Variants in PVT1 observed in about 807,000 individuals in gnomAD.
The protein encoded by PVT1 is CXCR4/PVT1 fusion.
intron 2 of PVT1, among the ~76,000 whole-genome samples, chr8:127,846,295 G>A (rs1323789567): frequency 1.3e-5 from 2 of 152,210 alleles, no homozygotes; most frequent in Non-Finnish European, 2.9e-5. Flanking sequence ...CCTGGTGGGT[G>A]TCCATGGTGT....
rs545919862 is a variant in PVT1, at chr8:127,858,141, G to C, written n.373-32448G>C. Reference sequence around the variant, plus strand: ...TGTGGTGGCTCATGCCTATAATCACGGCACTTTGGGAGGCCAAGGCGGCTG... The same window carrying C: ...TGTGGTGGCTCATGCCTATAATCACCGCACTTTGGGAGGCCAAGGCGGCTG... On this transcript the variant is annotated intron_variant and non_coding_transcript_variant, in intron 2 of 10. Transcript: ENST00000651587. Among the ~76,000 whole-genome samples the C allele has an allele frequency of 4.6e-5, 7 of 152,198 alleles. No individual in the cohort carries two copies. In the South Asian group the frequency reaches 1.5e-3, roughly 32 times the overall value.
intron 5 of PVT1, among the ~76,000 whole-genome samples, chr8:128,090,680 C>T (rs1814339989): frequency 6.6e-6 from 1 of 152,096 alleles, no homozygotes; most frequent in Non-Finnish European, 1.5e-5. Flanking sequence ...GAAGGAACTA[C>T]TGGCAGACAC....
intron 3 of PVT1, among the ~76,000 whole-genome samples, chr8:127,983,056 G>C (rs1816902745): frequency 6.6e-6 from 1 of 152,164 alleles, no homozygotes; most frequent in Non-Finnish European, 1.5e-5. Context: ...ACAGTGCGTG[G>C]GGCCTCGGCT....
chr8:127,880,151 T>C (rs1381821352), intron 2 of PVT1, among the ~76,000 whole-genome samples: 2 of 152,226 alleles, frequency 1.3e-5, no homozygotes, highest in African/African-American at 4.8e-5. Context: ...TCTGGAAATC[T>C]TAGTACAGCC....
chr8:127,814,601 C>G (rs1023717394), intron 2 of PVT1, among the ~76,000 whole-genome samples: 1 of 152,236 alleles, frequency 6.6e-6, no homozygotes, highest in African/African-American at 2.4e-5. Flanking sequence ...CCTCATTTTA[C>G]AGATGTTGGG....
chr8:127,945,290 T>G (rs1472692201), intron 3 of PVT1, among the ~76,000 whole-genome samples: 3 of 152,104 alleles, frequency 2.0e-5, no homozygotes, highest in African/African-American at 7.2e-5. Flanking sequence ...TCATCCAGGA[T>G]TTATACCCTG....
intron 3 of PVT1, among the ~76,000 whole-genome samples, chr8:127,914,051 A>G (rs915022753): frequency 6.6e-6 from 1 of 152,106 alleles, no homozygotes; most frequent in Non-Finnish European, 1.5e-5. Context: ...TCAAAACATT[A>G]GTGGACTCAA....
intron 3 of PVT1, chr8:127,932,615 G>C (rs1816221620): frequency 5.0e-6 from 2 of 398,400 alleles, no homozygotes; most frequent in African/African-American, 4.1e-5. Flanking sequence ...GCTGTTCGTA[G>C]ACATGGTACC....
At chr8:127,933,466 C>T (rs1736761709) in intron 3 of PVT1, among the ~76,000 whole-genome samples, 1 of 152,194 alleles carries the variant, frequency 6.6e-6, no homozygotes, top group Non-Finnish European at 1.5e-5. Context: ...TCTCTGCTTT[C>T]CCATGGAGAG....
At chr8:127,871,557 T>A (rs1014246154) in intron 2 of PVT1, among the ~76,000 whole-genome samples, 1 of 151,998 alleles carries the variant, frequency 6.6e-6, no homozygotes. Flanking sequence ...CAGAATCGGG[T>A]AAAGTATGTG....
intron 2 of PVT1, among the ~76,000 whole-genome samples, chr8:127,797,171 T>A (rs1814406889): frequency 6.6e-6 from 1 of 151,834 alleles, no homozygotes. Context: ...TTGCTGGGAT[T>A]ACAGGCATGG....
intron 2 of PVT1, among the ~76,000 whole-genome samples, chr8:127,806,671 G>C (rs567522287): frequency 1.3e-5 from 2 of 152,282 alleles, no homozygotes; most frequent in South Asian, 4.2e-4. Context: ...CGTTCACCCA[G>C]ATTCCCTCCT....
chr8:127,808,490 T>C (rs893846458), intron 2 of PVT1, among the ~76,000 whole-genome samples: 1 of 152,164 alleles, frequency 6.6e-6, no homozygotes, highest in Non-Finnish European at 1.5e-5. Context: ...GGAGTGAACG[T>C]CCAGGGTCCA....
intron 2 of PVT1, among the ~76,000 whole-genome samples, chr8:127,872,369 C>T (rs1315851824): frequency 1.3e-5 from 2 of 150,020 alleles, no homozygotes; most frequent in South Asian, 2.1e-4. Flanking sequence ...GCTGAGATTG[C>T]GCCACTGCAC....
At chr8:127,844,637 T>G (rs1815010244) in intron 2 of PVT1, among the ~76,000 whole-genome samples, 1 of 152,152 alleles carries the variant, frequency 6.6e-6, no homozygotes, top group South Asian at 2.1e-4. Flanking sequence ...TCCTCTTGCA[T>G]CAGAATTCCT....
At chr8:128,034,349 C>T (rs990091172) in intron 4 of PVT1, among the ~76,000 whole-genome samples, 4 of 152,238 alleles carry the variant, frequency 2.6e-5, no homozygotes, top group African/African-American at 7.2e-5. Flanking sequence ...GTTCATCCTT[C>T]TGGATCTGGG....
intron 2 of PVT1, among the ~76,000 whole-genome samples, chr8:127,858,897 T>C (rs898046732): frequency 6.8e-6 from 1 of 146,580 alleles, no homozygotes; most frequent in Non-Finnish European, 1.5e-5. Context: ...AACCTTGAGC[T>C]TCTGGGTTCA....
chr8:127,989,444 C>T (rs189456270), intron 4 of PVT1, among the ~76,000 whole-genome samples: 1 of 152,186 alleles, frequency 6.6e-6, no homozygotes, highest in East Asian at 1.9e-4. Flanking sequence ...TCCCCATAAC[C>T]TCTCCCCGAC....
chr8:127,839,848 G>A (rs1484828929), intron 2 of PVT1, among the ~76,000 whole-genome samples: 1 of 152,140 alleles, frequency 6.6e-6, no homozygotes, highest in Admixed American at 6.5e-5. Context: ...GCTGCAGTGT[G>A]GGGTACCCAG....
Sources: gnomAD v4.1 joint callset for allele counts (sites outside exome capture counted in the v4.1 genomes callset) on GRCh38, gnomAD v4.1.1 for gene constraint, MANE v1.5 for transcripts, NCBI Gene and HGNC (gene_info 2026-07-23, HGNC 2026-07-21) for gene names.